HNRNPL: variants seen among roughly 807,000 people sequenced by gnomAD.
HNRNPL encodes the protein heterogeneous nuclear ribonucleoprotein L, also known as epididymis secretory sperm binding protein.
Under a neutral mutation model 64.0 loss-of-function variants are expected in HNRNPL, and 12 were observed. The observed-to-expected ratio is 0.19, with a 90% confidence interval of 0.12 to 0.30. The LOEUF is 0.30. Among genes scored for constraint, HNRNPL ranks in the 10% least tolerant of loss-of-function variants. The pLI, the probability that HNRNPL is intolerant of heterozygous loss-of-function variation, is 1.00. For synonymous variants in HNRNPL, 385 were observed against 313.0 expected, an observed-to-expected ratio of 1.23 and a Z score of -2.43; for missense variants, 484 against 797.4, an observed-to-expected ratio of 0.61 and a Z score of 4.73.
intron 6 of HNRNPL, chr19:38,842,011 C>G: frequency 3.9e-6 from 1 of 257,184 alleles, no homozygotes; most frequent in Non-Finnish European, 7.8e-6. Context: ...CGCCTGGTTA[C>G]CCGGCAGCAG....
At chr19:38,844,845 G>A (rs541449383) in intron 4 of HNRNPL, 1 of 152,080 alleles carries the variant, frequency 6.6e-6, no homozygotes, top group Admixed American at 6.6e-5. Flanking sequence ...CAGAGTAGCT[G>A]GGATTACAGG....
chr19:38,837,905 C>CGGCT (rs1471130054), intron 10 of HNRNPL, among the ~76,000 whole-genome samples: 10 of 152,370 alleles, frequency 6.6e-5, no homozygotes, highest in African/African-American at 1.9e-4. Flanking sequence ...TATCTGCACC[C>CGGCT]GGCTGTTTGC....
intron 6 of HNRNPL, among the ~76,000 whole-genome samples, chr19:38,843,163 G>A (rs1324529380): frequency 1.3e-5 from 2 of 152,102 alleles, no homozygotes; most frequent in African/African-American, 4.8e-5. Context: ...GACCAAGACA[G>A]ACACCGAGAT....
chr19:38,842,182 A>T (rs989321151), intron 6 of HNRNPL: 1 of 152,944 alleles, frequency 6.5e-6, no homozygotes, highest in Non-Finnish European at 1.5e-5. Flanking sequence ...AGAAAAAATA[A>T]AAATATCAAA....
intron 1 of HNRNPL, among the ~76,000 whole-genome samples, chr19:38,848,473 A>T (rs1568375454): frequency 6.6e-6 from 1 of 152,176 alleles, no homozygotes; most frequent in Non-Finnish European, 1.5e-5. Context: ...AGTATCTTAC[A>T]CCCACCGACA....
At position 38,847,447 on chromosome 19, in the gene HNRNPL, G is replaced by C; in HGVS notation, c.268-13C>G. On this transcript the variant is annotated splice_polypyrimidine_tract_variant and intron_variant, in intron 1 of 12. Transcript: ENST00000221419. Reference sequence around the variant, plus strand: ...CATCGTAGTTCTCCTGAGAAAGGAAGCAAAAACAAGAATTATTTTCTTGCT... The same window carrying C: ...CATCGTAGTTCTCCTGAGAAAGGAACCAAAAACAAGAATTATTTTCTTGCT... 2 of 1,442,130 alleles carry C rather than the reference G, an allele frequency of 1.4e-6. No homozygotes were observed. Among genetic ancestry groups the C allele is most frequent in the Non-Finnish European group, 1.9e-6 (2 of 1,073,614 alleles). 89.3% of individuals were successfully genotyped at this position (1,442,130 alleles called of 1,614,324 possible).
chr19:38,837,532 C>T, intron 11 of HNRNPL, 53 bp from the exon 12 acceptor site: 2 of 1,611,928 alleles, frequency 1.2e-6, no homozygotes, highest in Non-Finnish European at 1.7e-6. Flanking sequence ...CCAATAGGAA[C>T]TAGGCAGCTG....
At chr19:38,852,050 C>T (rs1041966173), upstream of HNRNPL, among the ~76,000 whole-genome samples, 4 of 151,136 alleles carry the variant, frequency 2.6e-5, no homozygotes, top group African/African-American at 4.8e-5. Context: ...GGGCCCCTCC[C>T]CTCCCCGCCC....
At position 38,844,804 on chromosome 19, in the gene HNRNPL, C is replaced by T. The variant is rs553044788; in HGVS notation, c.711-700G>A. Reference sequence around the variant, plus strand: ...TCGGCTCACTGCAATCTCCGCCTCCCAGGCTCAAGCGATTCTCCTGCCTCA... The same window carrying T: ...TCGGCTCACTGCAATCTCCGCCTCCTAGGCTCAAGCGATTCTCCTGCCTCA... On this transcript the variant is annotated intron_variant, in intron 4 of 12. Transcript: ENST00000221419. The T allele has an allele frequency of 2.0e-5, 3 of 152,174 alleles. No individual in the cohort carries two copies. The East Asian group carries it at 5.8e-4, about 29-fold the overall frequency. 9.4% of individuals were successfully genotyped at this position (152,174 alleles called of 1,614,324 possible).
chr19:38,840,367 T>C lies in HNRNPL; in HGVS notation c.962A>G (p.His321Arg). The C allele has an allele frequency of 2.6e-6, 4 of 1,542,194 alleles. No individual in the cohort carries two copies. The highest frequency in any genetic ancestry group is 1.7e-6 in the Non-Finnish European group (2 of 1,144,930). ...GDHPAEYGGPHGGYHSHYHDE... is the reference protein window; with the variant it reads ...GDHPAEYGGPRGGYHSHYHDE... ...ATGGTAATGGCTGTGGTACCCACCG[T>C]GGGGCCCTCCTGGGGGGTGGGAAGG... Residue 321 changes from histidine (H) to arginine (R), a missense_variant, in exon 8 of 13, where the codon CAC becomes CGC. Transcript: ENST00000221419.
In HNRNPL at chr19:38,849,851, CCCG is replaced by C. The variant is rs765370282; in HGVS notation, c.113_115del (p.Ala38del). 8 of 1,207,028 alleles carry C rather than the reference CCCG, an allele frequency of 6.6e-6. No homozygotes were observed. Among genetic ancestry groups the C allele is most frequent in the Admixed American group, 2.0e-5 (1 of 49,856 alleles). 74.8% of individuals were successfully genotyped at this position (1,207,028 alleles called of 1,614,324 possible). On this transcript the variant is annotated inframe_deletion, in exon 1 of 13. Coordinates refer to ENST00000221419, the MANE Select transcript of HNRNPL (RefSeq NM_001533.3). Reference sequence around the variant, plus strand: ...GTAGCGGCCACCGCCGCCTCCGCCGCCCGCCGCCGCCATCTTCACCATCGCTCC... The same window carrying C: ...GTAGCGGCCACCGCCGCCTCCGCCGCCCGCCGCCATCTTCACCATCGCTCC...
chr19:38,839,164 A>G (rs1458994140), intron 8 of HNRNPL, 149 bp from the exon 9 acceptor site: 2 of 930,646 alleles, frequency 2.1e-6, no homozygotes, highest in Non-Finnish European at 3.3e-6. Context: ...CCTGGCCCAC[A>G]CCAAGTGCTC....
At position 38,844,154 on chromosome 19, in the gene HNRNPL, T is replaced by C. The variant is rs534999499; in HGVS notation, c.711-50A>G. 64 of 1,211,798 alleles carry C rather than the reference T, an allele frequency of 5.3e-5. No individual in the cohort carries two copies. In the South Asian group the frequency reaches 7.5e-4, roughly 14 times the overall value. The allele number at this position is 1,211,798 out of a possible 1,614,324, so 75.1% of individuals were successfully genotyped here. On this transcript the variant is annotated intron_variant, in intron 4 of 12. Transcript: ENST00000221419. ...ATCACAGGAGATCTTTGAGAAGGGC[T>C]TCAAGTTACCCCAGAGTGTGATAAG...
intron 6 of HNRNPL, chr19:38,841,428 C>G (rs1475181226): frequency 2.7e-6 from 1 of 371,516 alleles, no homozygotes; most frequent in Non-Finnish European, 5.3e-6. Context: ...AAGACAGTGG[C>G]TGAGCCATAT....
chr19:38,848,647 C>T (rs1262300221), intron 1 of HNRNPL, among the ~76,000 whole-genome samples: 1 of 152,176 alleles, frequency 6.6e-6, no homozygotes. Context: ...GAGGCACTCC[C>T]GCCAGGTTAG....
rs1600054193 is a variant in HNRNPL, at chr19:38,840,665, G to A, written c.881-106C>T. 6 of 869,668 alleles carry A rather than the reference G, an allele frequency of 6.9e-6. No individual in the cohort carries two copies. In the East Asian group the frequency reaches 1.6e-4, roughly 23 times the overall value. 53.9% of individuals were successfully genotyped at this position (869,668 alleles called of 1,614,324 possible). A position where few individuals can be genotyped will look rare whatever the true frequency, so the allele number is the denominator to read the frequency against. On this transcript the variant is annotated intron_variant, in intron 6 of 12. Transcript: ENST00000221419. ...AGCCCCCAGCTCCTGCCAACTGCAA[G>A]CCCTCCCTTCCTCGAGGGCTGTGGG... is the stretch of plus-strand genomic sequence containing the variant.
chr19:38,843,496 A>G (rs1972182430), intron 6 of HNRNPL: 1 of 297,308 alleles, frequency 3.4e-6, no homozygotes, highest in Admixed American at 4.8e-5. Flanking sequence ...CTGGTCCAGC[A>G]AGAATGGAGT....
intron 1 of HNRNPL, 57 bp downstream of exon 1, chr19:38,849,643 G>T: frequency 7.7e-7 from 1 of 1,303,524 alleles, no homozygotes. Context: ...ATGCCCTCAA[G>T]CTGGGAAATT....
chr19:38,845,582 G>C (rs1972266189), intron 4 of HNRNPL, 68 bp downstream of exon 4: 1 of 1,285,700 alleles, frequency 7.8e-7, no homozygotes, highest in Non-Finnish European at 1.1e-6. Flanking sequence ...CTGGCTCAAA[G>C]AATGGCCACT....
Sources: gnomAD v4.1 joint callset for allele counts (sites outside exome capture counted in the v4.1 genomes callset) on GRCh38, gnomAD v4.1.1 for gene constraint, MANE v1.5 for transcripts, NCBI Gene and HGNC (gene_info 2026-07-23, HGNC 2026-07-21) for gene names.